Variants in PRKN observed in about 807,000 individuals in gnomAD.
The protein encoded by PRKN is E3 ubiquitin-protein ligase parkin.
Under a neutral mutation model 59.5 loss-of-function variants are expected in PRKN, and 56 were observed. The ratio of observed to expected loss-of-function variants is 0.94; its 90% CI spans 0.76 to 1.18. The LOEUF is 1.18. Ranked by LOEUF, PRKN falls within the 50% of genes most tolerant of loss-of-function variation. PRKN has a pLI of 0.00. For missense variants in PRKN, 657 were observed against 596.4 expected (o/e 1.10, Z -1.06); for synonymous variants, 250 against 222.1 (o/e 1.13, Z -1.12).
At chr6:162,125,293 C>T (rs151235582) in intron 4 of PRKN, among the ~76,000 whole-genome samples, 7 of 152,302 alleles carry the variant, frequency 4.6e-5, no homozygotes, top group African/African-American at 1.7e-4. Context: ...CGGGCGGCAC[C>T]ACACCTCAGA....
chr6:161,935,285 T>C (rs1257425578), intron 6 of PRKN, among the ~76,000 whole-genome samples: 2 of 151,816 alleles, frequency 1.3e-5, no homozygotes, highest in Non-Finnish European at 2.9e-5. Context: ...TGTGGTTGGT[T>C]GCTCACACCT....
At position 161,533,760 on chromosome 6, in the gene PRKN, C is replaced by T. The variant is rs866224635; in HGVS notation, c.1083+15094G>A. 1.3e-5 allele frequency among the ~76,000 whole-genome samples: 2 copies of T among 152,054 alleles called. No homozygotes were observed. The highest frequency in any genetic ancestry group is 6.6e-5 in the Admixed American group (1 of 15,260). The stretch of plus-strand genomic sequence containing the variant: ...AAGGAGCTGCCCTCCTCTCTCCTTT[C>T]TTCCGCCTGTTAAACTTTCCACTCC... On this transcript the variant is annotated intron_variant, in intron 9 of 11. Transcript: ENST00000366898. This position sits in a 1 kb window ranked among gnomAD's most constrained non-coding sequence, Gnocchi z 4.1.
Position 161,566,969 on chromosome 6 carries a change from C to T in PRKN, c.933+2386G>A, listed in dbSNP as rs1780665250. On this transcript the variant is annotated intron_variant, in intron 8 of 11. Transcript: ENST00000366898. The surrounding 1 kb of genome is among the most constrained non-coding windows in gnomAD (Gnocchi z 4.1). Reference sequence around the variant, plus strand: ...CCTGTCACCTGCTCAGTGAAACTTTCCCTGACCACCTTATATAAAATTTCA... The same window carrying T: ...CCTGTCACCTGCTCAGTGAAACTTTTCCTGACCACCTTATATAAAATTTCA... Among the ~76,000 whole-genome samples the T allele has an allele frequency of 6.6e-6, 1 of 151,898 alleles. No homozygotes were observed. The highest frequency in any genetic ancestry group is 1.5e-5 in the Non-Finnish European group (1 of 68,010).
intron 1 of PRKN, among the ~76,000 whole-genome samples, chr6:162,463,788 C>T (rs1292763624): frequency 9.2e-5 from 14 of 152,138 alleles, no homozygotes. Flanking sequence ...AAAGGCATCT[C>T]GAGTTCAAGA....
At chr6:162,647,344 T>C (rs1778225927) in intron 1 of PRKN, among the ~76,000 whole-genome samples, 1 of 152,096 alleles carries the variant, frequency 6.6e-6, no homozygotes, top group South Asian at 2.1e-4. Context: ...CAATCTGTTT[T>C]TGGAGAAAAA....
At chr6:161,997,907 G>A (rs756095260) in intron 5 of PRKN, among the ~76,000 whole-genome samples, 1 of 152,098 alleles carries the variant, frequency 6.6e-6, no homozygotes, top group Non-Finnish European at 1.5e-5. Flanking sequence ...AAGCCCTCTC[G>A]TAGTTGGCTG....
intron 7 of PRKN, among the ~76,000 whole-genome samples, chr6:161,697,378 G>C (rs1394810100): frequency 2.0e-5 from 3 of 152,124 alleles, no homozygotes; most frequent in Non-Finnish European, 4.4e-5. Context: ...AAAGATGAAG[G>C]CATCTCTTTC....
At position 161,390,358 on chromosome 6, in the gene PRKN, C is replaced by T. The variant is rs1786451826; in HGVS notation, c.1084-3481G>A. On this transcript the variant is annotated intron_variant, in intron 9 of 11. Transcript: ENST00000366898. This position sits in a 1 kb window ranked among gnomAD's most constrained non-coding sequence, Gnocchi z 7.0. Reference sequence around the variant, plus strand: ...GTGATTTATTAACTCAAGGTAGTTCCCAGTGTTAATGTAGATTGTGCTATT... The same window carrying T: ...GTGATTTATTAACTCAAGGTAGTTCTCAGTGTTAATGTAGATTGTGCTATT... 6.6e-6 allele frequency among the ~76,000 whole-genome samples: 1 copy of T among 152,142 alleles called. No homozygotes were observed. The highest frequency in any genetic ancestry group is 2.1e-4 in the South Asian group (1 of 4,828).
At chr6:162,015,882 G>C (rs1782915902) in intron 5 of PRKN, among the ~76,000 whole-genome samples, 1 of 152,106 alleles carries the variant, frequency 6.6e-6, no homozygotes, top group Non-Finnish European at 1.5e-5. Context: ...CGCAGGGTAG[G>C]ATATTCTTAG....
chr6:162,450,409 T>TTGTAATCCCCCTGTGAA (rs1562774296), intron 1 of PRKN, among the ~76,000 whole-genome samples: 3 of 141,936 alleles, frequency 2.1e-5, no homozygotes, highest in African/African-American at 8.0e-5. Context: ...GCCCCTATGA[T>TTGTAATCCCCCTGTGAA]TGTAACACCC....
intron 9 of PRKN, among the ~76,000 whole-genome samples, chr6:161,515,075 C>T (rs892135446): frequency 2.0e-5 from 3 of 152,196 alleles, no homozygotes; most frequent in South Asian, 2.1e-4. Context: ...ATGAGGCCAA[C>T]GTGCAGTGTC....
In PRKN at chr6:161,487,897, C is replaced by CT. The variant is rs1274293509; in HGVS notation, c.1083+60956dup. Among the ~76,000 whole-genome samples, 2 of 152,160 alleles carry CT rather than the reference C, an allele frequency of 1.3e-5. No homozygotes were observed. The highest frequency in any genetic ancestry group is 2.9e-5 in the Non-Finnish European group (2 of 68,030). ...CCCACCTCCCCCTACCTTCCTTCCT[C>CT]TTTTTCTTCCCTCCCGTCATTAAAC... is the stretch of plus-strand genomic sequence containing the variant. On this transcript the variant is annotated intron_variant, in intron 9 of 11. Coordinates refer to ENST00000366898, the MANE Select transcript of PRKN (RefSeq NM_004562.3). The surrounding 1 kb of genome is among the most constrained non-coding windows in gnomAD (Gnocchi z 5.3).
intron 4 of PRKN, among the ~76,000 whole-genome samples, chr6:162,066,389 T>C (rs1042164619): frequency 6.6e-6 from 1 of 152,236 alleles, no homozygotes; most frequent in African/African-American, 2.4e-5. Flanking sequence ...GGCTAACATA[T>C]ATGTTCATTA....
chr6:161,374,183 A>T (rs1459055867), intron 10 of PRKN, among the ~76,000 whole-genome samples: 1 of 151,350 alleles, frequency 6.6e-6, no homozygotes, highest in Non-Finnish European at 1.5e-5. Flanking sequence ...GTGAGTGGCG[A>T]GTGTGTGCAG....
At chr6:161,531,094 G>A (rs1001107913) in intron 9 of PRKN, among the ~76,000 whole-genome samples, 1 of 152,054 alleles carries the variant, frequency 6.6e-6, no homozygotes, top group Non-Finnish European at 1.5e-5. Flanking sequence ...AATAATAATT[G>A]TGCAAGGCCG....
intron 6 of PRKN, among the ~76,000 whole-genome samples, chr6:161,940,485 A>G (rs1389690191): frequency 6.6e-6 from 1 of 152,118 alleles, no homozygotes; most frequent in Non-Finnish European, 1.5e-5. Flanking sequence ...CAAAATAAAA[A>G]TGGGGCAAAA....
At position 161,545,541 on chromosome 6, in the gene PRKN, G is replaced by T; in HGVS notation, c.1083+3313C>A. On this transcript the variant is annotated intron_variant, in intron 9 of 11. Coordinates refer to ENST00000366898, the MANE Select transcript of PRKN (RefSeq NM_004562.3). The surrounding 1 kb of genome is among the most constrained non-coding windows in gnomAD (Gnocchi z 4.1). ...CATAATCTAACCACAATTTCTTCCA[G>T]ACAATGGCTTTCCATTACACTCCTT... 2 of 850,582 alleles carry T rather than the reference G, an allele frequency of 2.4e-6. No individual in the cohort carries two copies. The highest frequency in any genetic ancestry group is 3.9e-6 in the Non-Finnish European group (2 of 506,614). The allele number at this position is 850,582 out of a possible 1,614,324, so 52.7% of individuals were successfully genotyped here. A position where few individuals can be genotyped will look rare whatever the true frequency, so the allele number is the denominator to read the frequency against.
intron 9 of PRKN, among the ~76,000 whole-genome samples, chr6:161,524,756 T>C (rs955925291): frequency 3.3e-5 from 5 of 152,178 alleles, no homozygotes; most frequent in Non-Finnish European, 5.9e-5. Flanking sequence ...GAGATATTTC[T>C]GCAAAGGAGT....
intron 1 of PRKN, among the ~76,000 whole-genome samples, chr6:162,710,374 AAC>A (rs138911423): frequency 0.013 from 1,657 of 125,266 alleles, 17 homozygotes; most frequent in African/African-American, 0.038. Flanking sequence ...ACCCCCTACA[AAC>A]ACACACACAC....
Sources: allele counts gnomAD v4.1 joint callset (sites outside exome capture counted in the v4.1 genomes callset), GRCh38; gene constraint gnomAD v4.1.1; non-coding constraint Gnocchi (gnomAD v3.1); transcripts MANE v1.5; gene names NCBI Gene and HGNC (gene_info 2026-07-23, HGNC 2026-07-21).